Variants in PRMT3 observed in about 807,000 individuals in gnomAD.
PRMT3 encodes the protein protein arginine N-methyltransferase 3.
Under a neutral mutation model 71.9 loss-of-function variants are expected in PRMT3, and 62 were observed. The ratio of observed to expected loss-of-function variants is 0.86; its 90% confidence interval spans 0.70 to 1.07. The LOEUF (loss-of-function observed/expected upper bound fraction) is 1.07, where lower values mean the gene tolerates loss of function less well. PRMT3 is among the 50% of genes least tolerant of loss of function. The pLI, the probability that PRMT3 is intolerant of heterozygous loss-of-function variation, is 0.00. For missense variants in PRMT3, 663 were observed against 643.0 expected (o/e 1.03, Z -0.34); for synonymous variants, 213 against 220.4 (o/e 0.97, Z 0.30).
intron 9 of PRMT3, 29 bp from the exon 10 acceptor site, chr11:20,426,737 C>A: frequency 2.1e-6 from 3 of 1,422,784 alleles, no homozygotes; most frequent in South Asian, 1.6e-5. Flanking sequence ...TCTGTTTAAC[C>A]TACTAATCTA....
At chr11:20,504,745 A>AGAGAGAGAGAGAGAGAGAGAGAGC (rs1491497481) in intron 15 of PRMT3, among the ~76,000 whole-genome samples, 20 of 141,246 alleles carry the variant, frequency 1.4e-4, no homozygotes, top group African/African-American at 5.2e-4. Flanking sequence ...AGAGAGAGAG[A>AGAGAGAGAGAGAGAGAGAGAGAGC]GCGAGAGCGA....
At chr11:20,425,318 CAG>C (rs754755162) in intron 9 of PRMT3, among the ~76,000 whole-genome samples, 13 of 152,232 alleles carry the variant, frequency 8.5e-5, no homozygotes, top group Admixed American at 2.0e-4. Context: ...TGTGAAGCAA[CAG>C]GAATGCACAT....
chr11:20,503,912 A>T (rs554440078), intron 15 of PRMT3, among the ~76,000 whole-genome samples: 14 of 152,328 alleles, frequency 9.2e-5, no homozygotes, highest in Non-Finnish European at 1.5e-4. Flanking sequence ...CAAATTTTTT[A>T]AAAATGACTA....
chr11:20,480,636 G>A (rs1342884401), intron 13 of PRMT3, among the ~76,000 whole-genome samples: 1 of 152,078 alleles, frequency 6.6e-6, no homozygotes, highest in African/African-American at 2.4e-5. Context: ...GGATGTGGGA[G>A]GCCAATATGT....
At chr11:20,442,303 C>G (rs1368177415) in intron 10 of PRMT3, among the ~76,000 whole-genome samples, 1 of 150,214 alleles carries the variant, frequency 6.7e-6, no homozygotes, top group African/African-American at 2.4e-5. Context: ...TTCTTTTTTT[C>G]AATTTTGGGG....
In PRMT3 at chr11:20,417,774, T is replaced by TCACA. The variant is rs34609751; in HGVS notation, c.894-8971_894-8968dup. Among the ~76,000 whole-genome samples, 1,145 of 149,416 alleles carry TCACA rather than the reference T, an allele frequency of 7.7e-3. 12 individuals are homozygous for TCACA. The highest frequency in any genetic ancestry group is 0.024 in the African/African-American group (989 of 40,892). Reference sequence around the variant, plus strand: ...AAATTTGCTTCTCTCTCTCTCTCTGTCACACACACACACACACACACACAG... The same window carrying TCACA: ...AAATTTGCTTCTCTCTCTCTCTCTGTCACACACACACACACACACACACACACAG... On this transcript the variant is annotated intron_variant, in intron 9 of 15. Coordinates refer to ENST00000331079, the MANE Select transcript of PRMT3 (RefSeq NM_005788.4).
intron 3 of PRMT3, among the ~76,000 whole-genome samples, chr11:20,391,216 A>G (rs1211910014): frequency 6.6e-6 from 1 of 152,214 alleles, no homozygotes; most frequent in East Asian, 1.9e-4. Context: ...CGTAAGGCAT[A>G]AATGACAGCC....
At chr11:20,428,343 C>G (rs1446643014) in intron 10 of PRMT3, among the ~76,000 whole-genome samples, 1 of 152,086 alleles carries the variant, frequency 6.6e-6, no homozygotes, top group Admixed American at 6.5e-5. Flanking sequence ...TTAAATTACT[C>G]CAAAATAGAC....
At chr11:20,414,058 C>G (rs1849250499) in intron 9 of PRMT3, among the ~76,000 whole-genome samples, 2 of 152,006 alleles carry the variant, frequency 1.3e-5, no homozygotes, top group African/African-American at 4.8e-5. Flanking sequence ...CTTAACAATT[C>G]TTGGATTATG....
intron 10 of PRMT3, among the ~76,000 whole-genome samples, chr11:20,432,063 G>A (rs1215124816): frequency 6.6e-6 from 1 of 151,924 alleles, no homozygotes; most frequent in Non-Finnish European, 1.5e-5. Flanking sequence ...AATTATTTTG[G>A]TCTTATAATC....
intron 3 of PRMT3, among the ~76,000 whole-genome samples, chr11:20,391,228 C>T (rs1405363280): frequency 6.6e-6 from 1 of 152,066 alleles, no homozygotes; most frequent in Non-Finnish European, 1.5e-5. Context: ...ATGACAGCCT[C>T]ATTTTTTAAT....
At chr11:20,416,801 A>G (rs938944601) in intron 9 of PRMT3, among the ~76,000 whole-genome samples, 2 of 152,194 alleles carry the variant, frequency 1.3e-5, no homozygotes, top group Non-Finnish European at 2.9e-5. Context: ...TTCCAGGTCT[A>G]TGCCCCATAC....
intron 13 of PRMT3, among the ~76,000 whole-genome samples, chr11:20,469,818 A>G (rs1255815179): frequency 6.6e-6 from 1 of 151,090 alleles, no homozygotes; most frequent in Non-Finnish European, 1.5e-5. Flanking sequence ...TTTTTCTTTT[A>G]TTCTACTTTT....
Position 20,389,737 on chromosome 11 carries a change from T to A in PRMT3, c.165-7T>A. ...CTATTCCATGAAGCTATTGCTTGAT[T>A]TTTCAGGTTATTCACATCTGCTGAA... is the stretch of plus-strand genomic sequence containing the variant. On this transcript the variant is annotated splice_region_variant and splice_polypyrimidine_tract_variant and intron_variant, in intron 2 of 15. Transcript: ENST00000331079. 6.3e-7 allele frequency: 1 copy of A among 1,599,026 alleles called. No individual in the cohort carries two copies. Among genetic ancestry groups the A allele is most frequent in the Non-Finnish European group, 8.6e-7 (1 of 1,167,580 alleles).
intron 13 of PRMT3, among the ~76,000 whole-genome samples, chr11:20,478,785 GC>G (rs1416820912): frequency 3.3e-5 from 5 of 152,000 alleles, no homozygotes; most frequent in Non-Finnish European, 5.9e-5. Flanking sequence ...TTCAAGATTA[GC>G]CCATTTATTT....
intron 15 of PRMT3, among the ~76,000 whole-genome samples, chr11:20,506,776 A>T (rs1851601649): frequency 6.6e-6 from 1 of 152,198 alleles, no homozygotes; most frequent in Non-Finnish European, 1.5e-5. Flanking sequence ...TTATCTTAAT[A>T]TTATTTAAGC....
chr11:20,489,027 G>A (rs1391277949), intron 13 of PRMT3, among the ~76,000 whole-genome samples: 1 of 152,110 alleles, frequency 6.6e-6, no homozygotes, highest in South Asian at 2.1e-4. Flanking sequence ...TTTCCTATGT[G>A]CATCAAAGTA....
chr11:20,500,642 A>G (rs925642287), intron 15 of PRMT3, among the ~76,000 whole-genome samples: 3 of 152,196 alleles, frequency 2.0e-5, no homozygotes, highest in African/African-American at 4.8e-5. Flanking sequence ...GGAAAGGGTG[A>G]TCTTTTGAAA....
intron 2 of PRMT3, among the ~76,000 whole-genome samples, chr11:20,388,408 T>A (rs1044279624): frequency 6.6e-6 from 1 of 152,218 alleles, no homozygotes; most frequent in Non-Finnish European, 1.5e-5. Flanking sequence ...CCAAATCTTG[T>A]CACTTGAGAC....
Sources: gnomAD v4.1 joint callset for allele counts (sites outside exome capture counted in the v4.1 genomes callset) on GRCh38, gnomAD v4.1.1 for gene constraint, MANE v1.5 for transcripts, NCBI Gene and HGNC (gene_info 2026-07-23, HGNC 2026-07-21) for gene names.